AAK1: variants seen among roughly 807,000 people sequenced by gnomAD.
AAK1 encodes the protein AP2-associated protein kinase 1.
Under a neutral mutation model 116.0 loss-of-function variants are expected in AAK1, and 37 were observed. The observed-to-expected ratio is 0.32, with a 90% CI of 0.25 to 0.42. AAK1 has a LOEUF of 0.42. Ranked by LOEUF, AAK1 falls within the 10% of genes least tolerant of loss-of-function variation. The pLI, the probability that AAK1 is intolerant of heterozygous loss-of-function variation, is 1.00. For missense variants in AAK1, 919 were observed against 1,170.6 expected (o/e 0.79, Z 3.14); for synonymous variants, 458 against 439.9 (o/e 1.04, Z -0.51).
intron 5 of AAK1, among the ~76,000 whole-genome samples, chr2:69,533,786 G>C (rs1202925061): frequency 1.3e-5 from 2 of 152,110 alleles, no homozygotes. Context: ...CAGCCACATA[G>C]GTAGTTTGAA....
In AAK1 at chr2:69,462,983, G is replaced by A. The variant is rs1289101905; in HGVS notation, c.*12886C>T. ...ACCTTAGTTGGAAAACCAAACCTTG[G>A]CACAGTGCCAATTATTTATCTTTTG... On this transcript the variant is annotated 3_prime_UTR_variant, in exon 22 of 22. Coordinates refer to ENST00000409085, the MANE Select transcript of AAK1 (RefSeq NM_014911.5). 1 of 152,130 alleles carries A rather than the reference G, an allele frequency of 6.6e-6. No individual in the cohort carries two copies. Among genetic ancestry groups the A allele is most frequent in the African/African-American group, 2.4e-5 (1 of 41,430 alleles). 9.4% of individuals were successfully genotyped at this position (152,130 alleles called of 1,614,324 possible).
chr2:69,570,467 T>C (rs1023166331), intron 2 of AAK1, among the ~76,000 whole-genome samples: 2 of 152,042 alleles, frequency 1.3e-5, no homozygotes, highest in Non-Finnish European at 2.9e-5. Context: ...ATCTCTCCAC[T>C]AGACAGACAA....
At chr2:69,486,995 G>C (rs1332075696) in intron 17 of AAK1, among the ~76,000 whole-genome samples, 1 of 152,134 alleles carries the variant, frequency 6.6e-6, no homozygotes, top group African/African-American at 2.4e-5. Flanking sequence ...GAAGAAACCA[G>C]CTCCAGAAAG....
chr2:69,559,753 G>GA (rs1671552627), intron 2 of AAK1, among the ~76,000 whole-genome samples: 2 of 152,210 alleles, frequency 1.3e-5, no homozygotes, highest in African/African-American at 4.8e-5. Flanking sequence ...AGGTAATAAG[G>GA]AAACAGCTGA....
chr2:69,532,257 C>A, intron 5 of AAK1, 95 bp from the exon 6 acceptor site: 3 of 1,444,828 alleles, frequency 2.1e-6, no homozygotes, highest in Non-Finnish European at 2.9e-6. Flanking sequence ...CGTTTTATTT[C>A]TGGCAGTCTC....
In AAK1 at chr2:69,474,698, C is replaced by T; in HGVS notation, c.*1171G>A. ...TGATTATCTGAAAATAAACAACATGCTTATTCTAGAGACAGAGGACCTGCT... is the reference window on the plus strand; with the variant it reads ...TGATTATCTGAAAATAAACAACATGTTTATTCTAGAGACAGAGGACCTGCT... On this transcript the variant is annotated 3_prime_UTR_variant, in exon 22 of 22. Transcript: ENST00000409085. The T allele has an allele frequency of 1.1e-5, 11 of 985,696 alleles. No homozygotes were observed. The highest frequency in any genetic ancestry group is 1.3e-5 in the Non-Finnish European group (11 of 829,898). 61.1% of individuals were successfully genotyped at this position (985,696 alleles called of 1,614,324 possible).
At chr2:69,526,320 A>T (rs1670023639) in intron 9 of AAK1, among the ~76,000 whole-genome samples, 1 of 152,210 alleles carries the variant, frequency 6.6e-6, no homozygotes, top group Non-Finnish European at 1.5e-5. Flanking sequence ...CAAATGTGAG[A>T]GTGAAAGAGG....
intron 16 of AAK1, among the ~76,000 whole-genome samples, chr2:69,503,612 T>C (rs1230641977): frequency 6.6e-6 from 1 of 152,110 alleles, no homozygotes; most frequent in East Asian, 1.9e-4. Context: ...CTCTGCCTCC[T>C]GGGGTCAAGG....
rs1674361775 is a variant in AAK1, at chr2:69,462,359, A to G, written c.*13510T>C. On this transcript the variant is annotated 3_prime_UTR_variant, in exon 22 of 22. Coordinates refer to ENST00000409085, the MANE Select transcript of AAK1 (RefSeq NM_014911.5). Reference sequence around the variant, plus strand: ...ATTGTGCACATGTACCCTAAAACTTAAAGTATAATAATAATTTAAAAAAAA... The same window carrying G: ...ATTGTGCACATGTACCCTAAAACTTGAAGTATAATAATAATTTAAAAAAAA... 6.6e-6 allele frequency: 1 copy of G among 151,790 alleles called. No homozygotes were observed. The allele number at this position is 151,790 out of a possible 1,614,324, so 9.4% of individuals were successfully genotyped here.
intron 10 of AAK1, among the ~76,000 whole-genome samples, chr2:69,522,101 G>A (rs1669811059): frequency 1.3e-5 from 2 of 152,232 alleles, no homozygotes; most frequent in East Asian, 1.9e-4. Context: ...AAGCCCAGGT[G>A]CTAACTTCCA....
chr2:69,600,439 CTT>C (rs1286648417), intron 2 of AAK1, among the ~76,000 whole-genome samples: 1 of 151,992 alleles, frequency 6.6e-6, no homozygotes, highest in Admixed American at 6.5e-5. Flanking sequence ...TCATGGATGA[CTT>C]TGGGGATTCA....
intron 2 of AAK1, among the ~76,000 whole-genome samples, chr2:69,619,343 C>G (rs58055146): frequency 4.6e-5 from 7 of 152,196 alleles, no homozygotes; most frequent in African/African-American, 1.4e-4. Flanking sequence ...CACCCTACCC[C>G]CAAGGCTTCC....
chr2:69,549,469 A>G (rs1408404436), intron 3 of AAK1, among the ~76,000 whole-genome samples: 1 of 152,202 alleles, frequency 6.6e-6, no homozygotes, highest in African/African-American at 2.4e-5. Context: ...TCTTTCTCTG[A>G]CATGGTTTTT....
intron 5 of AAK1, among the ~76,000 whole-genome samples, chr2:69,536,470 T>A (rs1243541091): frequency 6.6e-6 from 1 of 152,098 alleles, no homozygotes; most frequent in Admixed American, 6.5e-5. Context: ...ATAGATTATG[T>A]GAGATTAAGA....
chr2:69,568,170 T>G (rs1572964933), intron 2 of AAK1, among the ~76,000 whole-genome samples: 1 of 152,140 alleles, frequency 6.6e-6, no homozygotes, highest in Non-Finnish European at 1.5e-5. Context: ...TGGATTACAT[T>G]CTCCAAAAGA....
At chr2:69,615,291 C>G (rs1674275441) in intron 2 of AAK1, among the ~76,000 whole-genome samples, 1 of 152,182 alleles carries the variant, frequency 6.6e-6, no homozygotes, top group Non-Finnish European at 1.5e-5. Flanking sequence ...CTGCTGGGCA[C>G]TCAGCTGACC....
intron 2 of AAK1, among the ~76,000 whole-genome samples, chr2:69,596,656 T>C (rs1220544840): frequency 3.9e-5 from 6 of 152,244 alleles, no homozygotes; most frequent in African/African-American, 1.4e-4. Flanking sequence ...ATCTTAGATA[T>C]TGCTAAGACC....
Position 69,555,324 on chromosome 2 carries a change from C to G in AAK1, c.282+1536G>C, listed in dbSNP as rs556134086. On this transcript the variant is annotated intron_variant, in intron 3 of 21. Coordinates refer to ENST00000409085, the MANE Select transcript of AAK1 (RefSeq NM_014911.5). ...CTTGGGAGTTGGCTGGTTTGTTGTG[C>G]AGTGCTGACAGTTCCTTCCCAAATA... Among the ~76,000 whole-genome samples, 15 of 152,266 alleles carry G rather than the reference C, an allele frequency of 9.9e-5. No individual in the cohort carries two copies. In the South Asian group the frequency reaches 2.3e-3, roughly 23 times the overall value.
chr2:69,621,737 C>A (rs1441143084), intron 2 of AAK1, among the ~76,000 whole-genome samples: 2 of 152,188 alleles, frequency 1.3e-5, no homozygotes, highest in East Asian at 3.9e-4. Context: ...AAACCTGTAT[C>A]TTCCCTCTTT....
Sources: gnomAD v4.1 joint callset for allele counts (sites outside exome capture counted in the v4.1 genomes callset) on GRCh38, gnomAD v4.1.1 for gene constraint, MANE v1.5 for transcripts, NCBI Gene and HGNC (gene_info 2026-07-23, HGNC 2026-07-21) for gene names.